Variants in MXD1 observed in about 807,000 individuals in gnomAD.
MXD1 encodes MAX dimerization protein 1, also known as MAX-binding protein.
Under a neutral mutation model 25.7 loss-of-function variants are expected in MXD1, and 9 were observed. The observed-to-expected ratio is 0.35, with a 90% CI of 0.21 to 0.61. MXD1 has a LOEUF of 0.61. Among genes scored for constraint, MXD1 ranks in the 20% least tolerant of loss-of-function variants. MXD1 has a pLI of 0.75. For synonymous variants in MXD1, 99 were observed against 113.9 expected, an observed-to-expected ratio of 0.87 and a Z score of 0.83; for missense variants, 227 against 292.4, an observed-to-expected ratio of 0.78 and a Z score of 1.63.
Position 69,927,990 on chromosome 2 carries a change from A to AT in MXD1, c.203+6237dup, listed in dbSNP as rs1011184433. Among the ~76,000 whole-genome samples the AT allele has an allele frequency of 4.7e-3, 693 of 145,946 alleles. 3 individuals carry two copies. Among genetic ancestry groups the AT allele is most frequent in the African/African-American group, 0.014 (554 of 40,060 alleles). ...AGTGTGACTTGTAGTCTTCACCTGG[A>AT]TTTTTTTTTTTTCTGTTTAACCCAG... On this transcript the variant is annotated intron_variant, in intron 3 of 5. Coordinates refer to ENST00000264444, the MANE Select transcript of MXD1 (RefSeq NM_002357.4).
chr2:69,932,312 C>T (rs4241266), intron 3 of MXD1, among the ~76,000 whole-genome samples: 4,594 of 152,136 alleles, frequency 0.03, 443 homozygotes, highest in Admixed American at 0.2. Flanking sequence ...GCTTTTTTAT[C>T]TGGTTCAGGG....
In MXD1 at chr2:69,942,657, A is replaced by G. The variant is rs1308283525; in HGVS notation, c.*4373A>G. 6.6e-6 allele frequency: 1 copy of G among 152,232 alleles called. No individual in the cohort carries two copies. The highest frequency in any genetic ancestry group is 1.5e-5 in the Non-Finnish European group (1 of 68,046). The allele number at this position is 152,232 out of a possible 1,614,324, so 9.4% of individuals were successfully genotyped here. On this transcript the variant is annotated 3_prime_UTR_variant, in exon 6 of 6. Transcript: ENST00000264444. The stretch of plus-strand genomic sequence containing the variant: ...CATCCCTAGAATTGGTGCTCTTGGA[A>G]TATTGCTGTTACCATCATTTTTGGG...
At chr2:69,937,614 G>GGTTGT (rs1677484717) in intron 5 of MXD1, among the ~76,000 whole-genome samples, 1 of 152,148 alleles carries the variant, frequency 6.6e-6, no homozygotes, top group Admixed American at 6.5e-5. Flanking sequence ...TTTCAGCCTA[G>GGTTGT]TTTGTTTTGT....
Position 69,916,152 on chromosome 2 carries a change from A to G in MXD1, c.105A>G (p.Pro35=), listed in dbSNP as rs770111285. The G allele has an allele frequency of 3.7e-6, 6 of 1,612,806 alleles. No homozygotes were observed. The South Asian group carries it at 5.5e-5, about 15-fold the overall frequency. Residue 35 remains proline (P), a synonymous_variant, in exon 2 of 6, where the codon CCA becomes CCG. Coordinates refer to ENST00000264444, the MANE Select transcript of MXD1 (RefSeq NM_002357.4). ...AACATGGTTATGCCTCCATGTTACC[A>G]TACAATAACAAGGACAGAGATGCCT... is the stretch of plus-strand genomic sequence containing the variant. ...EAEHGYASML[P]YNNKDRDALK... is the part of the protein sequence containing the mutation.
intron 3 of MXD1, among the ~76,000 whole-genome samples, chr2:69,928,222 G>C (rs1677208098): frequency 6.6e-6 from 1 of 152,040 alleles, no homozygotes; most frequent in South Asian, 2.1e-4. Context: ...CTATTTAATT[G>C]GGTAAGTCTG....
Position 69,941,861 on chromosome 2 carries a change from T to TACAC in MXD1, c.*3578_*3579insCACA, listed in dbSNP as rs1371654462. 49 of 151,366 alleles carry TACAC rather than the reference T, an allele frequency of 3.2e-4. No homozygotes were observed. The highest frequency in any genetic ancestry group is 1.1e-3 in the African/African-American group (44 of 40,884). 9.4% of individuals were successfully genotyped at this position (151,366 alleles called of 1,614,324 possible). ...AACTTATTTTTGAAAAGTATCTATA[T>TACAC]ATACACACACACACACACACACACA... On this transcript the variant is annotated 3_prime_UTR_variant, in exon 6 of 6. Coordinates refer to ENST00000264444, the MANE Select transcript of MXD1 (RefSeq NM_002357.4).
In MXD1 at chr2:69,915,114, G is replaced by C. The variant is rs1489225628; in HGVS notation, c.-217G>C. ...CCGCGGCGGTGGCGGCTGCTGCTCTGCTCCGGGTTCTGTCACTGTGTCGGC... is the reference window on the plus strand; with the variant it reads ...CCGCGGCGGTGGCGGCTGCTGCTCTCCTCCGGGTTCTGTCACTGTGTCGGC... On this transcript the variant is annotated 5_prime_UTR_variant, in exon 1 of 6. Transcript: ENST00000264444. The surrounding 1 kb of genome is among the most constrained non-coding windows in gnomAD (Gnocchi z 5.8). The C allele has an allele frequency of 2.4e-6, 1 of 408,734 alleles. No individual in the cohort carries two copies. Among genetic ancestry groups the C allele is most frequent in the Non-Finnish European group, 4.3e-6 (1 of 232,832 alleles). 25.3% of individuals were successfully genotyped at this position (408,734 alleles called of 1,614,324 possible). A position where few individuals can be genotyped will look rare whatever the true frequency, so the allele number is the denominator to read the frequency against.
chr2:69,927,119 C>T (rs2104181194), intron 3 of MXD1, among the ~76,000 whole-genome samples: 1 of 152,330 alleles, frequency 6.6e-6, no homozygotes, highest in South Asian at 2.1e-4. Flanking sequence ...TCTGGTCTGG[C>T]ATGAGAAATC....
intron 3 of MXD1, among the ~76,000 whole-genome samples, chr2:69,930,273 A>G (rs1330341685): frequency 2.6e-5 from 4 of 152,206 alleles, no homozygotes; most frequent in African/African-American, 9.6e-5. Context: ...CACATGAGAT[A>G]TGTGAAGATC....
intron 2 of MXD1, among the ~76,000 whole-genome samples, chr2:69,916,940 G>A (rs1676972632): frequency 6.6e-6 from 1 of 152,110 alleles, no homozygotes; most frequent in Non-Finnish European, 1.5e-5. Flanking sequence ...ATAGTTTCTG[G>A]TACATGCAAA....
chr2:69,920,748 T>G (rs1334121782), intron 2 of MXD1, among the ~76,000 whole-genome samples: 1 of 152,216 alleles, frequency 6.6e-6, no homozygotes, highest in Admixed American at 6.5e-5. Flanking sequence ...TCAAGCAAGA[T>G]TCAGCTCCTT....
At chr2:69,933,774 C>G (rs1478891491) in intron 3 of MXD1, among the ~76,000 whole-genome samples, 1 of 152,198 alleles carries the variant, frequency 6.6e-6, no homozygotes, top group South Asian at 2.1e-4. Flanking sequence ...CTTTCTGAAG[C>G]CATTTCCTTT....
rs144170039 is a variant in MXD1 at position 69,938,038 on chromosome 2, C to T, written c.479-59C>T. On this transcript the variant is annotated intron_variant, in intron 5 of 5. Transcript: ENST00000264444. ...CTGGGATTACAAGCATGAGCCACCA[C>T]GCCTGAGCTTTCTGCAGAGCGCTTT... is the stretch of plus-strand genomic sequence containing the variant. 3,632 of 1,538,412 alleles carry T rather than the reference C, an allele frequency of 2.4e-3. 24 individuals are homozygous for T. In the East Asian group the frequency reaches 0.024, roughly 10 times the overall value.
chr2:69,925,162 A>G (rs923984748), intron 3 of MXD1, among the ~76,000 whole-genome samples: 16 of 152,190 alleles, frequency 1.1e-4, no homozygotes, highest in African/African-American at 3.4e-4. Flanking sequence ...GGGGTTTGTC[A>G]GTCAGCACAT....
intron 3 of MXD1, among the ~76,000 whole-genome samples, chr2:69,934,896 A>T (rs186836702): frequency 6.6e-6 from 1 of 152,242 alleles, no homozygotes; most frequent in Admixed American, 6.5e-5. Flanking sequence ...GCTTCAACAA[A>T]TAACTCCACA....
At chr2:69,916,945 T>C (rs1676972683) in intron 2 of MXD1, among the ~76,000 whole-genome samples, 1 of 152,234 alleles carries the variant, frequency 6.6e-6, no homozygotes, top group Non-Finnish European at 1.5e-5. Flanking sequence ...TTCTGGTACA[T>C]GCAAATAGTC....
intron 3 of MXD1, among the ~76,000 whole-genome samples, chr2:69,923,058 C>T (rs1332333623): frequency 3.4e-5 from 5 of 145,848 alleles, no homozygotes; most frequent in Admixed American, 1.4e-4. Flanking sequence ...AAAAAAAACA[C>T]ACAAAACACC....
At chr2:69,931,856 C>T (rs929945472) in intron 3 of MXD1, among the ~76,000 whole-genome samples, 1 of 152,096 alleles carries the variant, frequency 6.6e-6, no homozygotes, top group South Asian at 2.1e-4. Flanking sequence ...GTTTGTTAGT[C>T]CATGGCCTAG....
chr2:69,924,233 G>GCT (rs1677129032), intron 3 of MXD1, among the ~76,000 whole-genome samples: 1 of 152,222 alleles, frequency 6.6e-6, no homozygotes, highest in South Asian at 2.1e-4. Context: ...TGCACAAGAA[G>GCT]CTAGAGGTAA....
Sources: allele counts gnomAD v4.1 joint callset (sites outside exome capture counted in the v4.1 genomes callset), GRCh38; gene constraint gnomAD v4.1.1; non-coding constraint Gnocchi (gnomAD v3.1); transcripts MANE v1.5; gene names NCBI Gene and HGNC (gene_info 2026-07-23, HGNC 2026-07-21).